GPHN: variants seen among roughly 807,000 people sequenced by gnomAD.
The protein encoded by GPHN is gephyrin.
A neutral mutation model predicts 95.5 loss-of-function variants in GPHN; 17 were observed. That is an observed-to-expected ratio of 0.18 (90% CI 0.12 to 0.27). The LOEUF is 0.27. Ranked by LOEUF, GPHN falls within the 10% of genes least tolerant of loss-of-function variation. The probability of loss-of-function intolerance (pLI) is 1.00; values close to 1 mark genes in which losing one functional copy is unlikely to be tolerated. For missense variants in GPHN, 660 were observed against 978.1 expected (o/e 0.67, Z 4.34); for synonymous variants, 320 against 322.5 (o/e 0.99, Z 0.08).
chr14:67,617,657 C>T, the GPHN span, among the ~76,000 whole-genome samples: 1 of 152,174 alleles, frequency 6.6e-6, no homozygotes, highest in African/African-American at 2.4e-5. Flanking sequence ...ATTAAAGTAG[C>T]ACTTTGGAAA....
At chr14:66,961,900 G>GTGTGTATATATATA (rs1177915817) in intron 8 of GPHN, among the ~76,000 whole-genome samples, 8 of 52,958 alleles carry the variant, frequency 1.5e-4, no homozygotes, top group African/African-American at 4.3e-4. Flanking sequence ...CCCTGAATGT[G>GTGTGTATATATATA]TATATATATA....
chr14:66,590,594 A>T (rs1171082670), intron 1 of GPHN, among the ~76,000 whole-genome samples: 1 of 152,178 alleles, frequency 6.6e-6, no homozygotes, highest in African/African-American at 2.4e-5. Context: ...CCCTCCCAAG[A>T]CTAAACCTGG....
chr14:67,656,600 T>C, the GPHN span: 5 of 1,592,124 alleles, frequency 3.1e-6, 1 homozygote, highest in Non-Finnish European at 4.3e-6. Context: ...CTGAAAGAAG[T>C]ATGGAAGAGA....
intron 1 of GPHN, among the ~76,000 whole-genome samples, chr14:66,564,918 A>G (rs2060400555): frequency 6.6e-6 from 1 of 152,026 alleles, no homozygotes; most frequent in Non-Finnish European, 1.5e-5. Context: ...GGCCTTTACT[A>G]GTGTTCTTGT....
At chr14:66,938,180 CATTCTT>C (rs1321267574) in intron 8 of GPHN, among the ~76,000 whole-genome samples, 3 of 152,122 alleles carry the variant, frequency 2.0e-5, no homozygotes, top group Non-Finnish European at 4.4e-5. Context: ...AAAAGGAAGA[CATTCTT>C]ATTAGGATTG....
At chr14:67,439,706 G>GAAA in the GPHN span, among the ~76,000 whole-genome samples, 1 of 152,020 alleles carries the variant, frequency 6.6e-6, no homozygotes, top group African/African-American at 2.4e-5. Flanking sequence ...GCGCAATATA[G>GAAA]AAAAACAACA....
At chr14:67,457,009 G>A in the GPHN span, among the ~76,000 whole-genome samples, 4 of 152,204 alleles carry the variant, frequency 2.6e-5, no homozygotes, top group African/African-American at 9.7e-5. Flanking sequence ...CCATTATCCT[G>A]AGTGAATTAA....
At chr14:67,319,246 C>T in the GPHN span, among the ~76,000 whole-genome samples, 1 of 152,136 alleles carries the variant, frequency 6.6e-6, no homozygotes, top group African/African-American at 2.4e-5. Context: ...GGGAGTCTGA[C>T]TTCACATCTG....
the GPHN span, among the ~76,000 whole-genome samples, chr14:67,486,097 G>T: frequency 6.6e-6 from 1 of 152,190 alleles, no homozygotes; most frequent in Admixed American, 6.5e-5. Flanking sequence ...GTGAGTGCTC[G>T]CTTCACTCAC....
rs181394059 is a variant in GPHN at position 66,620,867 on chromosome 14, G to A, written c.65-60240G>A. 4.3e-3 allele frequency among the ~76,000 whole-genome samples: 660 copies of A among 152,282 alleles called. 9 individuals are homozygous for A. The highest frequency in any genetic ancestry group is 7.8e-3 in the Non-Finnish European group (529 of 68,016). On this transcript the variant is annotated intron_variant, in intron 1 of 22. Coordinates refer to ENST00000478722, the MANE Select transcript of GPHN (RefSeq NM_020806.5). Reference sequence around the variant, plus strand: ...TAGTTACTTCCTAGATACAATGGAGGTACAGGCATTGGGTAAATACAACCA... The same window carrying A: ...TAGTTACTTCCTAGATACAATGGAGATACAGGCATTGGGTAAATACAACCA...
intron 1 of GPHN, among the ~76,000 whole-genome samples, chr14:66,584,301 G>A (rs931525998): frequency 1.3e-5 from 2 of 152,136 alleles, no homozygotes; most frequent in Non-Finnish European, 2.9e-5. Flanking sequence ...AGACGATGGG[G>A]TTTTCTAGTT....
chr14:66,664,989 CAAA>C (rs937401198), intron 1 of GPHN, among the ~76,000 whole-genome samples: 15 of 54,904 alleles, frequency 2.7e-4, no homozygotes, highest in Admixed American at 2.1e-3. Flanking sequence ...GCCTACCAAC[CAAA>C]AAAAAAAAAA....
At chr14:67,246,626 C>T in the GPHN span, among the ~76,000 whole-genome samples, 1 of 151,286 alleles carries the variant, frequency 6.6e-6, no homozygotes, top group Non-Finnish European at 1.5e-5. Flanking sequence ...CAGGTGTTAG[C>T]CACTGAGCCT....
chr14:67,573,043 T>G, the GPHN span, among the ~76,000 whole-genome samples: 772 of 152,298 alleles, frequency 5.1e-3, 46 homozygotes, highest in East Asian at 0.12. This position sits in a 1 kb window ranked among gnomAD's most constrained non-coding sequence, Gnocchi z 4.8. Context: ...CATAGTGAGG[T>G]CTTCCCCAGC....
At chr14:67,651,502 G>C in the GPHN span, 1 of 1,612,172 alleles carries the variant, frequency 6.2e-7, no homozygotes, top group Non-Finnish European at 8.5e-7. Flanking sequence ...AAGCAAAGTG[G>C]GGAGTAGTCA....
At chr14:67,603,637 G>A in the GPHN span, among the ~76,000 whole-genome samples, 2 of 152,186 alleles carry the variant, frequency 1.3e-5, no homozygotes, top group Admixed American at 1.3e-4. Flanking sequence ...GCAGGCATGA[G>A]CCACTGCACC....
chr14:66,586,258 C>G (rs1444274142), intron 1 of GPHN, among the ~76,000 whole-genome samples: 1 of 152,036 alleles, frequency 6.6e-6, no homozygotes, highest in African/African-American at 2.4e-5. Flanking sequence ...CTTCCTCCAT[C>G]CCTTTATTTT....
At chr14:67,328,730 A>T in the GPHN span, among the ~76,000 whole-genome samples, 1 of 152,220 alleles carries the variant, frequency 6.6e-6, no homozygotes, top group Non-Finnish European at 1.5e-5. Flanking sequence ...TTTATTAAAT[A>T]GGGCATCCTT....
intron 9 of GPHN, among the ~76,000 whole-genome samples, chr14:66,993,505 A>G (rs1178694423): frequency 6.6e-6 from 1 of 152,172 alleles, no homozygotes; most frequent in Non-Finnish European, 1.5e-5. Context: ...GAAGACCATG[A>G]TGAACTTTTG....
Sources: gnomAD v4.1 joint callset for allele counts (sites outside exome capture counted in the v4.1 genomes callset) on GRCh38, gnomAD v4.1.1 for gene constraint, Gnocchi (gnomAD v3.1) non-coding constraint, MANE v1.5 for transcripts, NCBI Gene and HGNC (gene_info 2026-07-23, HGNC 2026-07-21) for gene names.